IPCEF1: variants seen among roughly 807,000 people sequenced by gnomAD.
IPCEF1 encodes the protein interactor protein for cytohesin exchange factors 1.
Under a neutral mutation model 50.9 loss-of-function variants are expected in IPCEF1, and 31 were observed. The observed-to-expected ratio is 0.61, with a 90% CI of 0.46 to 0.82. The LOEUF is 0.82. Among genes scored for constraint, IPCEF1 ranks in the 40% least tolerant of loss-of-function variants. The pLI is 0.00. For missense variants in IPCEF1, 458 were observed against 514.0 expected (o/e 0.89, Z 1.05); for synonymous variants, 181 against 192.0 (o/e 0.94, Z 0.47).
intron 1 of IPCEF1, among the ~76,000 whole-genome samples, chr6:154,334,684 G>T (rs1051636159): frequency 7.2e-5 from 11 of 152,352 alleles, no homozygotes; most frequent in South Asian, 2.1e-4. Flanking sequence ...GAGACCTAAA[G>T]TTCAAGCCTC....
chr6:154,297,182 G>A (rs1423258776), intron 1 of IPCEF1, among the ~76,000 whole-genome samples: 1 of 152,088 alleles, frequency 6.6e-6, no homozygotes, highest in Non-Finnish European at 1.5e-5. Context: ...TGGGACTGCA[G>A]ACACACACCA....
At chr6:154,328,320 C>T (rs999575238) in intron 1 of IPCEF1, among the ~76,000 whole-genome samples, 1 of 152,114 alleles carries the variant, frequency 6.6e-6, no homozygotes, top group Non-Finnish European at 1.5e-5. Flanking sequence ...GCCCAGTGCT[C>T]TGTCAAAAAA....
Position 154,207,457 on chromosome 6 carries a change from T to A in IPCEF1, c.537+5313A>T, listed in dbSNP as rs116486795. 5.9e-3 allele frequency among the ~76,000 whole-genome samples: 901 copies of A among 152,378 alleles called. 11 individuals carry two copies. Among genetic ancestry groups the A allele is most frequent in the African/African-American group, 0.021 (874 of 41,586 alleles). On this transcript the variant is annotated intron_variant, in intron 9 of 11. Coordinates refer to ENST00000367220, the MANE Select transcript of IPCEF1 (RefSeq NM_001130700.2). ...TTCATTTAGTACAGATATTGAATAA[T>A]CAAATGACTTTGGTAGACAACTGTT...
At chr6:154,215,421 G>A (rs790255) in intron 7 of IPCEF1, among the ~76,000 whole-genome samples, 2 of 151,756 alleles carry the variant, frequency 1.3e-5, no homozygotes, top group Non-Finnish European at 2.9e-5. Flanking sequence ...CTGACCAACA[G>A]GGAGAAACCC....
In IPCEF1 at chr6:154,313,579, C is replaced by G. The variant is rs558047106; in HGVS notation, c.-61-23823G>C. ...ATTAAAGAAAGATGTTTTGGTTAAG[C>G]CTAATCTCTTCAACTCAATCACTGT... On this transcript the variant is annotated intron_variant, in intron 1 of 11. Coordinates refer to ENST00000367220, the MANE Select transcript of IPCEF1 (RefSeq NM_001130700.2). 1.1e-4 allele frequency among the ~76,000 whole-genome samples: 17 copies of G among 152,154 alleles called. No homozygotes were observed. The South Asian group carries it at 3.5e-3, about 32-fold the overall frequency.
chr6:154,271,279 T>C (rs1781896599), intron 2 of IPCEF1, among the ~76,000 whole-genome samples: 1 of 151,300 alleles, frequency 6.6e-6, no homozygotes, highest in Non-Finnish European at 1.5e-5. Context: ...GGAGTATCTC[T>C]CCCACCCAGG....
chr6:154,190,497 C>T (rs1177278032), intron 10 of IPCEF1, among the ~76,000 whole-genome samples: 1 of 152,126 alleles, frequency 6.6e-6, no homozygotes, highest in Non-Finnish European at 1.5e-5. Flanking sequence ...AAATCCAAAA[C>T]ACAGAAAACA....
intron 1 of IPCEF1, 35 bp from the exon 2 acceptor site, chr6:154,289,791 G>A (rs1012314579): frequency 1.2e-4 from 18 of 150,150 alleles, no homozygotes; most frequent in African/African-American, 4.2e-4. Context: ...AAGAGAGAGA[G>A]AGGAAAAAAA....
chr6:154,245,346 A>T (rs966852892), intron 5 of IPCEF1, among the ~76,000 whole-genome samples: 2 of 151,986 alleles, frequency 1.3e-5, no homozygotes, highest in Admixed American at 6.6e-5. Context: ...ATTTTTCATG[A>T]GGTGAAGCTG....
rs759258418 is a variant in IPCEF1, at chr6:154,199,969, A to G, written c.609T>C (p.Asn203=). ...GTSYSFSSLE[N]TVKTPSSFPS... is the part of the protein sequence containing the mutation. ...GAAAACTGCTGGGTGTCTTCACTGT[A>G]TTTTCCAGGGAAGAGAAAGAATACG... Residue 203 remains asparagine, a synonymous_variant, in exon 10 of 12, where the codon AAT becomes AAC. Transcript: ENST00000367220. 5.6e-6 allele frequency: 9 copies of G among 1,614,152 alleles called. No homozygotes were observed. The South Asian group carries it at 9.9e-5, about 18-fold the overall frequency.
chr6:154,245,598 T>C (rs1780967040), intron 5 of IPCEF1, among the ~76,000 whole-genome samples: 1 of 152,258 alleles, frequency 6.6e-6, no homozygotes, highest in Admixed American at 6.5e-5. Context: ...GTTGCTTGAA[T>C]GACATGCATG....
intron 1 of IPCEF1, among the ~76,000 whole-genome samples, chr6:154,296,746 G>A (rs762960300): frequency 2.9e-4 from 44 of 151,260 alleles, no homozygotes; most frequent in African/African-American, 5.1e-4. Flanking sequence ...GGAGAATGGC[G>A]TGAACCCAGG....
chr6:154,252,965 T>C (rs549799099), intron 3 of IPCEF1, among the ~76,000 whole-genome samples: 2 of 152,358 alleles, frequency 1.3e-5, no homozygotes, highest in East Asian at 3.9e-4. Context: ...AAGATACAGA[T>C]ACACACTTAG....
chr6:154,315,831 T>C (rs1340530747), intron 1 of IPCEF1, among the ~76,000 whole-genome samples: 2 of 151,806 alleles, frequency 1.3e-5, no homozygotes, highest in African/African-American at 4.9e-5. Context: ...GCAATTTTTT[T>C]TGGGGGGGAG....
chr6:154,209,086 A>G (rs185969937), intron 9 of IPCEF1, among the ~76,000 whole-genome samples: 50 of 152,348 alleles, frequency 3.3e-4, no homozygotes, highest in African/African-American at 8.9e-4. Flanking sequence ...GCAGAAGTCC[A>G]AACTGGTTTC....
chr6:154,288,792 A>G (rs1782439677), intron 2 of IPCEF1, among the ~76,000 whole-genome samples: 1 of 148,410 alleles, frequency 6.7e-6, no homozygotes, highest in Admixed American at 6.7e-5. Flanking sequence ...GGCTTAGTAC[A>G]ATGGCTCACG....
chr6:154,188,828 T>TTTTCCTA (rs1801611605), intron 10 of IPCEF1, among the ~76,000 whole-genome samples: 1 of 152,204 alleles, frequency 6.6e-6, no homozygotes. Flanking sequence ...AAGATGATAT[T>TTTTCCTA]GTATCTCATT....
At chr6:154,340,970 T>C (rs377000842) in intron 1 of IPCEF1, among the ~76,000 whole-genome samples, 2 of 151,772 alleles carry the variant, frequency 1.3e-5, no homozygotes, top group East Asian at 1.9e-4. Context: ...ATATCATATA[T>C]ACAAAGTGTA....
intron 3 of IPCEF1, among the ~76,000 whole-genome samples, chr6:154,254,151 A>G (rs887859302): frequency 6.6e-6 from 1 of 152,184 alleles, no homozygotes; most frequent in African/African-American, 2.4e-5. Flanking sequence ...TTCAGAACAT[A>G]TGATCTTTAT....
Sources: gnomAD v4.1 joint callset for allele counts (sites outside exome capture counted in the v4.1 genomes callset) on GRCh38, gnomAD v4.1.1 for gene constraint, MANE v1.5 for transcripts, NCBI Gene and HGNC (gene_info 2026-07-23, HGNC 2026-07-21) for gene names.